The following DIP2B variants were observed in gnomAD, a reference collection of about 807,000 sequenced individuals.
DIP2B encodes the protein DIP2 acetate--CoA ligase B (putative), also known as disco-interacting protein 2 homolog B.
Under a neutral mutation model 198.0 loss-of-function variants are expected in DIP2B, and 76 were observed. The observed-to-expected ratio is 0.38, with a 90% CI of 0.32 to 0.46. The LOEUF is 0.46. Among genes scored for constraint, DIP2B ranks in the 20% least tolerant of loss-of-function variants. The pLI is 0.99. For missense variants in DIP2B, 1,559 were observed against 1,978.4 expected, an observed-to-expected ratio of 0.79 and a Z score of 4.02; for synonymous variants, 701 against 739.1, an observed-to-expected ratio of 0.95 and a Z score of 0.84.
chr12:50,662,349 C>T (rs573487014), intron 4 of DIP2B, among the ~76,000 whole-genome samples: 5 of 152,300 alleles, frequency 3.3e-5, no homozygotes, highest in Admixed American at 6.5e-5. Context: ...AAACATTGAG[C>T]GCACCCTGCA....
intron 19 of DIP2B, 136 bp from the exon 20 acceptor site, chr12:50,704,004 C>T (rs539152199): frequency 3.2e-6 from 2 of 619,128 alleles, no homozygotes; most frequent in East Asian, 3.4e-5. Flanking sequence ...TTTCTTATCT[C>T]TAAAGGGATG....
At chr12:50,715,564 A>G (rs922064718) in intron 23 of DIP2B, among the ~76,000 whole-genome samples, 1 of 152,242 alleles carries the variant, frequency 6.6e-6, no homozygotes, top group Non-Finnish European at 1.5e-5. Flanking sequence ...CCATCCAGCC[A>G]TAACTAAGAC....
chr12:50,697,116 G>A lies in DIP2B; in HGVS notation c.1989G>A (p.Lys663=), dbSNP rs777212984. 3.1e-6 allele frequency: 5 copies of A among 1,614,130 alleles called. No homozygotes were observed. The South Asian group carries it at 5.5e-5, about 18-fold the overall frequency. ...FLSLFQSHGL[K]PEAICPCATS... ...GTCTGTTCCAAAGTCATGGACTGAA[G>A]CCTGAGGCCATCTGTCCGTGCGCCA... Residue 663 remains lysine, a synonymous_variant, in exon 17 of 38, where the codon AAG becomes AAA. Coordinates refer to ENST00000301180, the MANE Select transcript of DIP2B (RefSeq NM_173602.3).
At chr12:50,649,542 A>G (rs1051422559) in intron 3 of DIP2B, among the ~76,000 whole-genome samples, 7 of 152,198 alleles carry the variant, frequency 4.6e-5, no homozygotes, top group African/African-American at 1.7e-4. Flanking sequence ...TTAGCTCCAT[A>G]TCTCACACCA....
chr12:50,537,528 G>C (rs1165599949), intron 1 of DIP2B, among the ~76,000 whole-genome samples: 1 of 152,118 alleles, frequency 6.6e-6, no homozygotes, highest in Non-Finnish European at 1.5e-5. Flanking sequence ...CTATGACAAT[G>C]TGGGAAGACC....
intron 1 of DIP2B, among the ~76,000 whole-genome samples, chr12:50,572,627 T>A (rs1958625378): frequency 6.6e-6 from 1 of 152,214 alleles, no homozygotes; most frequent in South Asian, 2.1e-4. Context: ...TCTGAATCTC[T>A]TCTCTTCCAT....
In DIP2B at chr12:50,747,131, A is replaced by G. The variant is rs1350535910; in HGVS notation, c.*2292A>G. The G allele has an allele frequency of 6.6e-6, 1 of 152,210 alleles. No individual in the cohort carries two copies. The highest frequency in any genetic ancestry group is 1.5e-5 in the Non-Finnish European group (1 of 68,034). 9.4% of individuals were successfully genotyped at this position (152,210 alleles called of 1,614,324 possible). The stretch of plus-strand genomic sequence containing the variant: ...AATGAGTTATTTTACTTTTTTTCAT[A>G]TTAGGCCTTTGAAATTCAGTGTGTA... On this transcript the variant is annotated 3_prime_UTR_variant, in exon 38 of 38. Transcript: ENST00000301180.
intron 1 of DIP2B, among the ~76,000 whole-genome samples, chr12:50,535,863 A>G (rs1248025613): frequency 1.3e-4 from 9 of 69,664 alleles, no homozygotes; most frequent in South Asian, 5.4e-4. Flanking sequence ...CCCACCCCAC[A>G]ACAGTCCCCA....
intron 1 of DIP2B, among the ~76,000 whole-genome samples, chr12:50,533,680 C>T (rs994416842): frequency 2.1e-4 from 32 of 151,304 alleles, no homozygotes; most frequent in Non-Finnish European, 2.9e-5. Context: ...GTGATCACAG[C>T]TCACTGCAAC....
intron 1 of DIP2B, among the ~76,000 whole-genome samples, chr12:50,508,712 C>CTTTTTT (rs35206160): frequency 6.8e-6 from 1 of 146,872 alleles, no homozygotes; most frequent in African/African-American, 2.5e-5. Context: ...GAAATGCTAC[C>CTTTTTT]TTTTTTTTTT....
chr12:50,548,996 TA>T (rs1376254228), intron 1 of DIP2B, among the ~76,000 whole-genome samples: 2 of 152,334 alleles, frequency 1.3e-5, no homozygotes, highest in Non-Finnish European at 2.9e-5. Flanking sequence ...AGCTTATTCA[TA>T]ACCCCGAGTT....
chr12:50,601,668 A>G lies in DIP2B; in HGVS notation c.101-24308A>G, dbSNP rs533269840. Among the ~76,000 whole-genome samples, 209 of 148,254 alleles carry G rather than the reference A, an allele frequency of 1.4e-3. 1 individual carries two copies. The highest frequency in any genetic ancestry group is 2.2e-3 in the Admixed American group (32 of 14,840). ...TTATATTTTATGTAAAATATTTTAC[A>G]TTTTTTTTTTGTATTTGGTTTTTAT... is the stretch of plus-strand genomic sequence containing the variant. On this transcript the variant is annotated intron_variant, in intron 1 of 37. Transcript: ENST00000301180.
Position 50,723,275 on chromosome 12 carries a change from T to C in DIP2B, c.3240T>C (p.His1080=), listed in dbSNP as rs948816925. The C allele has an allele frequency of 3.7e-6, 6 of 1,614,068 alleles. No homozygotes were observed. The highest frequency in any genetic ancestry group is 5.1e-6 in the Non-Finnish European group (6 of 1,180,036). ...GCIPVTVRPP[H]AQNLTATLPT... ...TACCTGTGACCGTCAGACCTCCACA[T>C]GCTCAGAACCTCACGGCCACGCTGC... The change falls in exon 27 of 38, where the codon CAT becomes CAC. Residue 1080 remains histidine (H), a synonymous_variant. Coordinates refer to ENST00000301180, the MANE Select transcript of DIP2B (RefSeq NM_173602.3).
intron 25 of DIP2B, among the ~76,000 whole-genome samples, chr12:50,720,236 G>A (rs1939810293): frequency 6.6e-6 from 1 of 152,006 alleles, no homozygotes; most frequent in Non-Finnish European, 1.5e-5. Flanking sequence ...CCTATATATT[G>A]TATTTTAAAG....
intron 37 of DIP2B, 41 bp from the exon 38 acceptor site, chr12:50,744,546 A>T (rs1435060805): frequency 6.2e-7 from 1 of 1,606,790 alleles, no homozygotes; most frequent in Non-Finnish European, 8.5e-7. Flanking sequence ...GATAACTGAA[A>T]AATGTAGTGA....
intron 26 of DIP2B, among the ~76,000 whole-genome samples, chr12:50,722,249 GTTTGTTTATTTTAT>G (rs1207495145): frequency 1.2e-3 from 154 of 131,684 alleles, no homozygotes; most frequent in African/African-American, 4.2e-3. Flanking sequence ...TTGTTTGTTT[GTTTGTTTATTTTAT>G]TTTATTTTAT....
In DIP2B at chr12:50,612,493, A is replaced by G. The variant is rs577906124; in HGVS notation, c.101-13483A>G. On this transcript the variant is annotated intron_variant, in intron 1 of 37. Transcript: ENST00000301180. ...CCCCAGGCTGGGGTGCAGTGGTGCC[A>G]TCTTGGCTCACTGCAACCTCTGTCT... Among the ~76,000 whole-genome samples the G allele has an allele frequency of 3.4e-5, 5 of 146,398 alleles. No individual in the cohort carries two copies. The South Asian group carries it at 1.1e-3, about 31-fold the overall frequency.
At position 50,744,635 on chromosome 12, in the gene DIP2B, C is replaced by T. The variant is rs764003381; in HGVS notation, c.4527C>T (p.Cys1509=). The change falls in exon 38 of 38, where the codon TGC becomes TGT. Residue 1509 remains cysteine, a synonymous_variant. Transcript: ENST00000301180. ...TNLLVVVVEL[C]GSEQEALDLV... ...TGCTTGTGGTGGTTGTGGAACTGTG[C>T]GGCTCTGAACAGGAAGCCCTAGATC... The T allele has an allele frequency of 6.1e-5, 98 of 1,614,020 alleles. No homozygotes were observed. The South Asian group carries it at 8.6e-4, about 14-fold the overall frequency.
intron 1 of DIP2B, among the ~76,000 whole-genome samples, chr12:50,516,483 G>A (rs546950472): frequency 6.6e-6 from 1 of 152,008 alleles, no homozygotes; most frequent in South Asian, 2.1e-4. Flanking sequence ...CAAACCCCTG[G>A]CCATGAATGA....
Sources: allele counts gnomAD v4.1 joint callset (sites outside exome capture counted in the v4.1 genomes callset), GRCh38; gene constraint gnomAD v4.1.1; transcripts MANE v1.5; gene names NCBI Gene and HGNC (gene_info 2026-07-23, HGNC 2026-07-21).